MAP3K21: variants seen among roughly 807,000 people sequenced by gnomAD.
MAP3K21 encodes the protein mitogen-activated protein kinase kinase kinase 21.
Under a neutral mutation model 86.1 loss-of-function variants are expected in MAP3K21, and 63 were observed. The ratio of observed to expected loss-of-function variants is 0.73; its 90% confidence interval spans 0.60 to 0.90. The LOEUF (loss-of-function observed/expected upper bound fraction) is 0.90, where lower values mean the gene tolerates loss of function less well. Among genes scored for constraint, MAP3K21 ranks in the 40% least tolerant of loss-of-function variants. The pLI, the probability that MAP3K21 is intolerant of heterozygous loss-of-function variation, is 0.00. For missense variants in MAP3K21, 1,220 were observed against 1,367.7 expected, an observed-to-expected ratio of 0.89 and a Z score of 1.70; for synonymous variants, 558 against 564.8, an observed-to-expected ratio of 0.99 and a Z score of 0.17.
At chr1:233,374,872 C>T (rs897549400) in intron 6 of MAP3K21, among the ~76,000 whole-genome samples, 2 of 150,542 alleles carry the variant, frequency 1.3e-5, no homozygotes, top group Admixed American at 1.3e-4. Context: ...GTTTTTAGAA[C>T]ATCTAGTATG....
At chr1:233,356,096 T>A (rs1663347348) in intron 4 of MAP3K21, among the ~76,000 whole-genome samples, 1 of 152,162 alleles carries the variant, frequency 6.6e-6, no homozygotes, top group Non-Finnish European at 1.5e-5. Flanking sequence ...TCCTGTTTCC[T>A]CCCTAGCTTC....
chr1:233,378,634 T>C (rs1663843389), intron 8 of MAP3K21, among the ~76,000 whole-genome samples: 2 of 152,198 alleles, frequency 1.3e-5, no homozygotes, highest in Non-Finnish European at 1.5e-5. Flanking sequence ...TGTGTTTTGA[T>C]GACTGTTTCT....
chr1:233,343,324 T>C (rs1663073478), intron 1 of MAP3K21, among the ~76,000 whole-genome samples: 2 of 152,220 alleles, frequency 1.3e-5, no homozygotes, highest in African/African-American at 4.8e-5. Flanking sequence ...GTAATTACCA[T>C]GTCTCAGCCA....
intron 4 of MAP3K21, among the ~76,000 whole-genome samples, chr1:233,361,293 A>G (rs1020849815): frequency 2.0e-5 from 3 of 152,246 alleles, no homozygotes; most frequent in Admixed American, 6.5e-5. Context: ...GATGAGGTCT[A>G]ACTTTAATCA....
Position 233,328,545 on chromosome 1 carries a change from C to G in MAP3K21, c.517C>G (p.Arg173Gly). ...AAAESVRREA[R>G]LFAMLRHPNI... is the part of the protein sequence containing the mutation. ...TGCCGAGAGCGTGCGGCGCGAGGCTCGGCTCTTCGCCATGCTGCGGCACCC... is the reference window on the plus strand; with the variant it reads ...TGCCGAGAGCGTGCGGCGCGAGGCTGGGCTCTTCGCCATGCTGCGGCACCC... The change falls in exon 1 of 10, where the codon CGG (arginine) becomes GGG (glycine). Residue 173 changes from arginine to glycine, a missense_variant. Arg to Gly is a moderately radical substitution (Grantham distance 125, BLOSUM62 -2). This residue lies in a region of MAP3K21 where 369 missense variants were observed against 385.3 expected (regional missense o/e 0.96). Transcript: ENST00000366624. This position sits in a 1 kb window ranked among gnomAD's most constrained non-coding sequence, Gnocchi z 8.7. 3 of 1,532,698 alleles carry G rather than the reference C, an allele frequency of 2.0e-6. No individual in the cohort carries two copies. Among genetic ancestry groups the G allele is most frequent in the Non-Finnish European group, 1.7e-6 (2 of 1,150,830 alleles). The allele number at this position is 1,532,698 out of a possible 1,614,324, so 94.9% of individuals were successfully genotyped here.
Position 233,328,081 on chromosome 1 carries a change from G to T in MAP3K21, c.53G>T (p.Gly18Val). The stretch of plus-strand genomic sequence containing the variant: ...ACCGACACCCCGGTGTCCTCGGCCG[G>T]GGGAGCCCCCGGCGGCTCAGCGTCC... ...GATDTPVSSA[G>V]GAPGGSASSS... Residue 18 changes from glycine (G) to valine (V), a missense_variant, in exon 1 of 10, where the codon GGG becomes GTG. Coordinates refer to ENST00000366624, the MANE Select transcript of MAP3K21 (RefSeq NM_032435.3). The surrounding 1 kb of genome is among the most constrained non-coding windows in gnomAD (Gnocchi z 8.7). 1 of 1,359,680 alleles carries T rather than the reference G, an allele frequency of 7.4e-7. No individual in the cohort carries two copies. 84.2% of individuals were successfully genotyped at this position (1,359,680 alleles called of 1,614,324 possible). A position where few individuals can be genotyped will look rare whatever the true frequency, so the allele number is the denominator to read the frequency against.
At chr1:233,358,909 A>G (rs916977825) in intron 4 of MAP3K21, among the ~76,000 whole-genome samples, 4 of 152,124 alleles carry the variant, frequency 2.6e-5, no homozygotes. Context: ...TCCCGAGTTC[A>G]AGTGATTCTC....
intron 2 of MAP3K21, among the ~76,000 whole-genome samples, chr1:233,351,516 C>T (rs929406112): frequency 1.3e-5 from 2 of 151,946 alleles, no homozygotes; most frequent in African/African-American, 2.4e-5. Context: ...TATGGTGAAA[C>T]CCCGTGTCTA....
In MAP3K21 at chr1:233,379,100, C is replaced by G; in HGVS notation, c.2094C>G (p.Ala698=). The change falls in exon 9 of 10, where the codon GCC becomes GCG. Residue 698 remains alanine (A), a synonymous_variant. Transcript: ENST00000366624. The part of the protein sequence containing the change: ...SWEEAASANA[A]TVSIEMTPTN... ...AGGAGGCAGCCTCTGCGAATGCTGC[C>G]ACAGTCTCCATTGAGATGACTCCTA... The G allele has an allele frequency of 1.2e-6, 2 of 1,614,166 alleles. No homozygotes were observed. The highest frequency in any genetic ancestry group is 1.7e-6 in the Non-Finnish European group (2 of 1,180,036).
chr1:233,364,988 G>T (rs936561613), intron 5 of MAP3K21, among the ~76,000 whole-genome samples: 5 of 152,024 alleles, frequency 3.3e-5, no homozygotes, highest in African/African-American at 1.2e-4. Flanking sequence ...ACACATGCAC[G>T]CATATTTACT....
Position 233,375,954 on chromosome 1 carries a change from A to G in MAP3K21, c.1714A>G (p.Thr572Ala). ...DESNKTWGRN[T>A]VFRQEEFEDV... Reference sequence around the variant, plus strand: ...AAGCAATAAAACTTGGGGAAGGAACACAGTCTTTCGACAAGAAGAATTTGA... The same window carrying G: ...AAGCAATAAAACTTGGGGAAGGAACGCAGTCTTTCGACAAGAAGAATTTGA... The change falls in exon 7 of 10, where the codon ACA becomes GCA. Residue 572 changes from threonine to alanine, a missense_variant. Physicochemically the swap from Thr to Ala is moderately conservative, Grantham distance 58. Coordinates refer to ENST00000366624, the MANE Select transcript of MAP3K21 (RefSeq NM_032435.3). The G allele has an allele frequency of 1.2e-6, 2 of 1,611,982 alleles. No individual in the cohort carries two copies. The highest frequency in any genetic ancestry group is 4.5e-5 in the East Asian group (2 of 44,762).
intron 2 of MAP3K21, among the ~76,000 whole-genome samples, chr1:233,350,983 C>T (rs938571666): frequency 2.0e-5 from 3 of 152,094 alleles, no homozygotes; most frequent in African/African-American, 7.2e-5. Context: ...GATGATCCAT[C>T]CTAGATTATT....
intron 1 of MAP3K21, among the ~76,000 whole-genome samples, chr1:233,334,264 C>G (rs1481044361): frequency 1.3e-5 from 2 of 151,530 alleles, no homozygotes; most frequent in African/African-American, 4.9e-5. Flanking sequence ...CTCAGCCTCC[C>G]AAAGTGCTGG....
chr1:233,363,014 C>T (rs1301181913), intron 5 of MAP3K21, among the ~76,000 whole-genome samples: 2 of 152,028 alleles, frequency 1.3e-5, no homozygotes, highest in Non-Finnish European at 2.9e-5. Context: ...AAATTAAGTT[C>T]TTTAATATTA....
At chr1:233,358,473 G>GT (rs58298146) in intron 4 of MAP3K21, among the ~76,000 whole-genome samples, 4,629 of 141,592 alleles carry the variant, frequency 0.033, 229 homozygotes, top group African/African-American at 0.11. Flanking sequence ...ACTCTAATTT[G>GT]TTTTTTTTTT....
chr1:233,331,124 A>G (rs912888315), intron 1 of MAP3K21, among the ~76,000 whole-genome samples: 1 of 152,226 alleles, frequency 6.6e-6, no homozygotes, highest in East Asian at 1.9e-4. Flanking sequence ...AGTAGATATT[A>G]CATAATTTGA....
At chr1:233,363,806 A>G (rs1663514373) in intron 5 of MAP3K21, among the ~76,000 whole-genome samples, 1 of 150,712 alleles carries the variant, frequency 6.6e-6, no homozygotes, top group African/African-American at 2.4e-5. Flanking sequence ...CTGGAGTTTG[A>G]GACCAGACTG....
Position 233,379,382 on chromosome 1 carries a change from C to T in MAP3K21, c.2376C>T (p.Ser792=). ...STCGEASSPP[S]LPLSSALGIL... is the part of the protein sequence containing the mutation. ...GTGGGGAGGCCAGCAGCCCACCCTC[C>T]CTGCCACTGTCAAGTGCCCTGGGCA... Residue 792 remains serine, a synonymous_variant, in exon 9 of 10, where the codon TCC becomes TCT. Transcript: ENST00000366624. The T allele has an allele frequency of 1.2e-6, 2 of 1,614,202 alleles. No homozygotes were observed. The highest frequency in any genetic ancestry group is 1.7e-6 in the Non-Finnish European group (2 of 1,180,030).
chr1:233,350,878 A>G (rs1281032234), intron 2 of MAP3K21, among the ~76,000 whole-genome samples: 1 of 152,198 alleles, frequency 6.6e-6, no homozygotes, highest in Non-Finnish European at 1.5e-5. Flanking sequence ...GAGAACAGAA[A>G]AATGTGTACT....
Sources: allele counts gnomAD v4.1 joint callset (sites outside exome capture counted in the v4.1 genomes callset), GRCh38; gene constraint gnomAD v4.1.1; regional missense constraint gnomAD v4.1.1; non-coding constraint Gnocchi (gnomAD v3.1); transcripts MANE v1.5; gene names NCBI Gene and HGNC (gene_info 2026-07-23, HGNC 2026-07-21).